The following PPP1R37 variants were observed in gnomAD, a reference collection of about 807,000 sequenced individuals.
PPP1R37 encodes protein phosphatase 1 regulatory subunit 37.
In PPP1R37, 21 loss-of-function variants were observed where a neutral mutation model predicts 61.0. That is an observed-to-expected ratio of 0.34 (90% CI 0.24 to 0.50). PPP1R37 has a LOEUF of 0.50. Among genes scored for constraint, PPP1R37 ranks in the 20% least tolerant of loss-of-function variants. PPP1R37 has a pLI of 0.98. For missense variants in PPP1R37, 910 were observed against 952.7 expected (o/e 0.96, Z 0.59); for synonymous variants, 443 against 433.5 (o/e 1.02, Z -0.27).
At chr19:45,116,378 C>T (rs1968267397) in intron 1 of PPP1R37, among the ~76,000 whole-genome samples, 1 of 152,230 alleles carries the variant, frequency 6.6e-6, no homozygotes, top group African/African-American at 2.4e-5. Context: ...TCCTTGTTGG[C>T]TATGTAAGCC....
At position 45,145,422 on chromosome 19, in the gene PPP1R37, G is replaced by T; in HGVS notation, c.1366G>T (p.Val456Leu). 6.5e-7 allele frequency: 1 copy of T among 1,535,394 alleles called. No homozygotes were observed. The highest frequency in any genetic ancestry group is 1.4e-5 in the African/African-American group (1 of 73,142). The change falls in exon 11 of 13, where the codon GTG (valine) becomes TTG (leucine). Residue 456 changes from valine to leucine, a missense_variant. By Grantham distance (32) the Val-to-Leu change is conservative. Around this residue, in one of 3 missense-constraint regions of PPP1R37, gnomAD observed 549 missense variants for 505.1 expected, o/e 1.09. Coordinates refer to ENST00000221462, the MANE Select transcript of PPP1R37 (RefSeq NM_019121.2). ...CCAGAACGGCTGCAAGCGCAACTTG[G>T]TGCTGGCGCGGGAGAGGGAGGAGAA... Reference protein sequence around the residue: ...EIQNGCKRNLVLAREREEKEQ... With the variant: ...EIQNGCKRNLLLAREREEKEQ...
At position 45,142,334 on chromosome 19, in the gene PPP1R37, G is replaced by A. The variant is rs1490346383; in HGVS notation, c.750G>A (p.Arg250=). ...CCCTGAAGATGAACATGAACCTGCG[G>A]GAGCTGTACCTGGCGGACAACAAGC... ...ATALKMNMNL[R]ELYLADNKLN... is the part of the protein sequence containing the mutation. The change falls in exon 7 of 13, where the codon CGG becomes CGA. Residue 250 remains arginine (R), a synonymous_variant. Transcript: ENST00000221462. The A allele has an allele frequency of 6.5e-7, 1 of 1,536,100 alleles. No individual in the cohort carries two copies. Among genetic ancestry groups the A allele is most frequent in the East Asian group, 2.4e-5 (1 of 40,914 alleles).
rs182874927 is a variant in PPP1R37, at chr19:45,143,003, T to A, written c.875-518T>A. ...GGAGCCGTCAAAGGAGGCGTTCCTG[T>A]TGCATCCTGGAGGGGTGGGGTGGGT... On this transcript the variant is annotated intron_variant, in intron 7 of 12. Coordinates refer to ENST00000221462, the MANE Select transcript of PPP1R37 (RefSeq NM_019121.2). 571 of 166,828 alleles carry A rather than the reference T, an allele frequency of 3.4e-3. 4 individuals are homozygous for A. The highest frequency in any genetic ancestry group is 5.3e-3 in the Non-Finnish European group (411 of 76,980). 10.3% of individuals were successfully genotyped at this position (166,828 alleles called of 1,614,324 possible).
Position 45,143,540 on chromosome 19 carries a change from G to A in PPP1R37, c.894G>A (p.Glu298=), listed in dbSNP as rs1968641644. Residue 298 remains glutamate, a synonymous_variant, in exon 8 of 13, where the codon GAG becomes GAA. Coordinates refer to ENST00000221462, the MANE Select transcript of PPP1R37 (RefSeq NM_019121.2). ...CTCCAGGTCTGGCCTACATCTGCGA[G>A]GGCCTCAAGGAGCAGAGGAAGGGGC... is the stretch of plus-strand genomic sequence containing the variant. ...VLDSGLAYIC[E]GLKEQRKGLV... is the part of the protein sequence containing the mutation. The A allele has an allele frequency of 2.0e-6, 3 of 1,535,092 alleles. No homozygotes were observed. In the East Asian group the frequency reaches 7.3e-5, roughly 38 times the overall value.
rs558073086 is a variant in PPP1R37, at chr19:45,121,899, A to G, written c.203-16615A>G. On this transcript the variant is annotated intron_variant, in intron 1 of 12. Transcript: ENST00000221462. This position sits in a 1 kb window ranked among gnomAD's most constrained non-coding sequence, Gnocchi z 4.2. ...ATCAGACTCTGATTCTGTGTGGAGC[A>G]GCCTGGGGAAGGGCTTGGAGGCGGG... 1.1e-3 allele frequency among the ~76,000 whole-genome samples: 174 copies of G among 152,330 alleles called. No homozygotes were observed. The highest frequency in any genetic ancestry group is 4.0e-3 in the African/African-American group (168 of 41,578).
chr19:45,129,544 G>A (rs527942587), intron 1 of PPP1R37, among the ~76,000 whole-genome samples: 29 of 152,260 alleles, frequency 1.9e-4, no homozygotes, highest in East Asian at 1.5e-3. Flanking sequence ...TGATCTGCCC[G>A]TCTCGGCCTC....
chr19:45,138,975 G>A (rs1040678861), intron 2 of PPP1R37, among the ~76,000 whole-genome samples: 4 of 140,542 alleles, frequency 2.8e-5, no homozygotes, highest in Admixed American at 7.6e-5. Flanking sequence ...GTACAGTGGC[G>A]CCATTTCGGC....
intron 12 of PPP1R37, 31 bp downstream of exon 12, chr19:45,146,511 G>C (rs763742355): frequency 6.9e-7 from 1 of 1,455,302 alleles, no homozygotes; most frequent in Non-Finnish European, 9.3e-7. Flanking sequence ...CACAGCACTC[G>C]GGAGGAGCTG....
chr19:45,110,116 CTT>C (rs373508881), intron 1 of PPP1R37, among the ~76,000 whole-genome samples: 16 of 142,400 alleles, frequency 1.1e-4, no homozygotes, highest in Admixed American at 2.1e-4. Context: ...TTCCCTTTTT[CTT>C]TTTTTTTTTT....
chr19:45,100,406 TGTGCCTGTACCAGGCACTGGTCTCA>T (rs1968047672), intron 1 of PPP1R37: 1 of 152,370 alleles, frequency 6.6e-6, no homozygotes, highest in Admixed American at 6.5e-5. Context: ...TTGCCTTCCA[TGTGCCTGTACCAGGCACTGGTCTCA>T]GTGCCTTTTG....
At position 45,106,355 on chromosome 19, in the gene PPP1R37, C is replaced by A. The variant is rs151157615; in HGVS notation, c.202+12828C>A. On this transcript the variant is annotated intron_variant, in intron 1 of 12. Transcript: ENST00000221462. The stretch of plus-strand genomic sequence containing the variant: ...CTCCCAAGTTTAAGCGATTCTCCTG[C>A]CTCAGCCTCCCAAGTAGCTGGGATT... Among the ~76,000 whole-genome samples the A allele has an allele frequency of 9.4e-3, 1,436 of 152,278 alleles. 30 individuals carry two copies. Among genetic ancestry groups the A allele is most frequent in the African/African-American group, 0.032 (1,328 of 41,528 alleles).
chr19:45,128,886 A>T, intron 1 of PPP1R37: 1 of 659,688 alleles, frequency 1.5e-6, no homozygotes, highest in South Asian at 1.5e-5. Context: ...GACAGCAGGG[A>T]GGTGCGAGAG....
At chr19:45,096,671 CGGTT>C (rs1165503871) in intron 1 of PPP1R37, among the ~76,000 whole-genome samples, 1 of 151,924 alleles carries the variant, frequency 6.6e-6, no homozygotes, top group Non-Finnish European at 1.5e-5. Context: ...GGAGGGGTGC[CGGTT>C]GGTCTGTCCT....
At chr19:45,140,410 G>T in intron 3 of PPP1R37, 96 bp from the exon 4 acceptor site, 1 of 1,208,926 alleles carries the variant, frequency 8.3e-7, no homozygotes. Flanking sequence ...CAGGGGCTGG[G>T]CCTGGTGGGG....
In PPP1R37 at chr19:45,145,633, C is replaced by T. The variant is rs754432016; in HGVS notation, c.1577C>T (p.Thr526Ile). The change falls in exon 11 of 13, where the codon ACC becomes ATC. Residue 526 changes from threonine (T) to isoleucine (I), a missense_variant. By Grantham distance (89) the Thr-to-Ile change is moderately conservative. Around this residue, in one of 3 missense-constraint regions of PPP1R37, gnomAD observed 549 missense variants for 505.1 expected, o/e 1.09. Coordinates refer to ENST00000221462, the MANE Select transcript of PPP1R37 (RefSeq NM_019121.2). The part of the protein sequence containing the change: ...EEEEEGERDE[T>I]PCPALVPPTD... ...GAAGAGGAAGGGGAGAGGGACGAGA[C>T]CCCCTGTCCTGCCCTGGTGCCCCCC... 65 of 1,535,778 alleles carry T rather than the reference C, an allele frequency of 4.2e-5. 1 individual carries two copies. The Middle Eastern group carries it at 1.2e-3, about 28-fold the overall frequency.
At chr19:45,138,757 A>G in intron 2 of PPP1R37, 146 bp downstream of exon 2, 2 of 572,494 alleles carry the variant, frequency 3.5e-6, no homozygotes, top group Non-Finnish European at 6.2e-6. Context: ...CAGCTAGAGA[A>G]TGAATCAGTT....
chr19:45,107,096 A>G (rs1000241329), intron 1 of PPP1R37, among the ~76,000 whole-genome samples: 15 of 151,548 alleles, frequency 9.9e-5, no homozygotes, highest in African/African-American at 2.4e-5. Context: ...GATTAGAGGC[A>G]TGAGCCACCG....
intron 1 of PPP1R37, among the ~76,000 whole-genome samples, chr19:45,109,817 A>G (rs1316482960): frequency 1.3e-5 from 2 of 152,142 alleles, no homozygotes; most frequent in African/African-American, 4.8e-5. Context: ...CTGACTCTTC[A>G]GGAATACTGT....
At chr19:45,102,044 C>T (rs1261312392) in intron 1 of PPP1R37, among the ~76,000 whole-genome samples, 1 of 152,174 alleles carries the variant, frequency 6.6e-6, no homozygotes, top group Non-Finnish European at 1.5e-5. Context: ...CCAGCGTGTC[C>T]TTGGCCTGCT....
Sources: gnomAD v4.1 joint callset for allele counts (sites outside exome capture counted in the v4.1 genomes callset) on GRCh38, gnomAD v4.1.1 for gene constraint, gnomAD v4.1.1 regional missense constraint, Gnocchi (gnomAD v3.1) non-coding constraint, MANE v1.5 for transcripts, NCBI Gene and HGNC (gene_info 2026-07-23, HGNC 2026-07-21) for gene names.